RAB33B: variants seen among roughly 807,000 people sequenced by gnomAD.
RAB33B encodes the protein ras-related protein Rab-33B.
Under a neutral mutation model 15.0 loss-of-function variants are expected in RAB33B, and 6 were observed. The observed-to-expected ratio is 0.40, with a 90% CI of 0.22 to 0.79. The LOEUF is 0.79. RAB33B is among the 30% of genes least tolerant of loss of function. The pLI, the probability that RAB33B is intolerant of heterozygous loss-of-function variation, is 0.37. For synonymous variants in RAB33B, 117 were observed against 108.3 expected, an observed-to-expected ratio of 1.08 and a Z score of -0.50; for missense variants, 257 against 296.4, an observed-to-expected ratio of 0.87 and a Z score of 0.98.
intron 1 of RAB33B, among the ~76,000 whole-genome samples, chr4:139,459,538 T>C (rs563537342): frequency 3.3e-5 from 5 of 152,320 alleles, no homozygotes; most frequent in African/African-American, 7.2e-5. Context: ...TCTCATTGCA[T>C]ACATACCTGT....
At chr4:139,453,320 G>A (rs1024248074), upstream of RAB33B, 1 of 152,278 alleles carries the variant, frequency 6.6e-6, no homozygotes, top group Non-Finnish European at 1.5e-5. Flanking sequence ...CTAGCGAAAT[G>A]CGCTGTACCT....
At chr4:139,450,331 G>A (rs1205469127), upstream of RAB33B, 1 of 152,234 alleles carries the variant, frequency 6.6e-6, no homozygotes, top group Non-Finnish European at 1.5e-5. Context: ...TAGTAATTTG[G>A]TGGAGGCCAG....
At position 139,472,813 on chromosome 4, in the gene RAB33B, C is replaced by T; in HGVS notation, c.377C>T (p.Pro126Leu). 2 of 1,614,104 alleles carry T rather than the reference C, an allele frequency of 1.2e-6. No homozygotes were observed. The highest frequency in any genetic ancestry group is 2.2e-5 in the East Asian group (1 of 44,890). The change falls in exon 2 of 2, where the codon CCA (proline) becomes CTA (leucine). Residue 126 changes from proline (P) to leucine (L), a missense_variant. Transcript: ENST00000305626. ...AACATGGCTAGTTTTCATAGCCTACCATCTTGGATAGAAGAATGCAAACAA... is the reference window on the plus strand; with the variant it reads ...AACATGGCTAGTTTTCATAGCCTACTATCTTGGATAGAAGAATGCAAACAA... ...MTNMASFHSL[P>L]SWIEECKQHL...
chr4:139,445,409 T>C, the RAB33B span, among the ~76,000 whole-genome samples: 2 of 152,220 alleles, frequency 1.3e-5, no homozygotes, highest in Admixed American at 1.3e-4. Context: ...GAGCAAGAAG[T>C]AGCAAATACA....
At chr4:139,464,106 C>G (rs941068200) in intron 1 of RAB33B, among the ~76,000 whole-genome samples, 4 of 152,210 alleles carry the variant, frequency 2.6e-5, no homozygotes, top group South Asian at 2.1e-4. Context: ...GACCACCCCC[C>G]CACTGTCTCT....
chr4:139,454,026 G>T (rs1006909234), upstream of RAB33B: 89 of 733,556 alleles, frequency 1.2e-4, 1 homozygote, highest in East Asian at 2.7e-3. Flanking sequence ...ACCTGTGCGG[G>T]CAAGGGCGGG....
At chr4:139,469,576 A>G (rs1477087808) in intron 1 of RAB33B, among the ~76,000 whole-genome samples, 1 of 152,096 alleles carries the variant, frequency 6.6e-6, no homozygotes, top group African/African-American at 2.4e-5. Flanking sequence ...CTGTGTATGG[A>G]CATTGAAGGA....
At chr4:139,442,859 T>G in the RAB33B span, among the ~76,000 whole-genome samples, 1 of 152,136 alleles carries the variant, frequency 6.6e-6, no homozygotes, top group African/African-American at 2.4e-5. Flanking sequence ...CCAGGAGTGA[T>G]TCTACAGGAA....
At chr4:139,469,470 A>G (rs1750351890) in intron 1 of RAB33B, among the ~76,000 whole-genome samples, 1 of 152,146 alleles carries the variant, frequency 6.6e-6, no homozygotes, top group Non-Finnish European at 1.5e-5. Flanking sequence ...GAAAGGTCAC[A>G]TATGTGTTTC....
chr4:139,466,488 C>T (rs1453132515), intron 1 of RAB33B, among the ~76,000 whole-genome samples: 4 of 152,030 alleles, frequency 2.6e-5, no homozygotes, highest in Non-Finnish European at 5.9e-5. Context: ...GCTCTAGTTC[C>T]CTTGGATAGC....
intron 1 of RAB33B, among the ~76,000 whole-genome samples, chr4:139,457,192 A>G (rs1040227676): frequency 6.6e-6 from 1 of 152,254 alleles, no homozygotes; most frequent in Non-Finnish European, 1.5e-5. Context: ...AAGAAAGCCT[A>G]TATCTGCTAA....
At chr4:139,454,832 C>T (rs114812457) in intron 1 of RAB33B, among the ~76,000 whole-genome samples, 215 of 152,166 alleles carry the variant, frequency 1.4e-3, no homozygotes, top group African/African-American at 5.0e-3. Context: ...AGTGAAATTG[C>T]GCGAGAATGG....
rs1021325628 is a variant in RAB33B, at chr4:139,475,956, T to C, written c.*2830T>C. 9.2e-5 allele frequency: 14 copies of C among 152,258 alleles called. No homozygotes were observed. Among genetic ancestry groups the C allele is most frequent in the African/African-American group, 3.1e-4 (13 of 41,558 alleles). 9.4% of individuals were successfully genotyped at this position (152,258 alleles called of 1,614,324 possible). A position where few individuals can be genotyped will look rare whatever the true frequency, so the allele number is the denominator to read the frequency against. On this transcript the variant is annotated 3_prime_UTR_variant, in exon 2 of 2. Transcript: ENST00000305626. ...CTTTGTTTGGTTACTGGGTAGAGTA[T>C]AAAATAAAACAATCTTTTTTTCCTC...
At chr4:139,451,885 G>T (rs1749931803), upstream of RAB33B, 1 of 152,180 alleles carries the variant, frequency 6.6e-6, no homozygotes, top group Non-Finnish European at 1.5e-5. Context: ...TGACTCCAAG[G>T]ACAAAATGAA....
intron 1 of RAB33B, among the ~76,000 whole-genome samples, chr4:139,465,722 C>CTTCT (rs1750270974): frequency 7.5e-6 from 1 of 133,238 alleles, no homozygotes; most frequent in Non-Finnish European, 1.6e-5. Flanking sequence ...TCTTCTTCTT[C>CTTCT]TTTTTTTTTT....
At chr4:139,471,079 C>T (rs1750379660) in intron 1 of RAB33B, among the ~76,000 whole-genome samples, 1 of 152,080 alleles carries the variant, frequency 6.6e-6, no homozygotes, top group Non-Finnish European at 1.5e-5. Flanking sequence ...CTGTCTGCCC[C>T]AGCGCACTGT....
chr4:139,472,759 AT>A lies in RAB33B; in HGVS notation c.324del (p.His108GlnfsTer9). 6.2e-7 allele frequency: 1 copy of A among 1,613,960 alleles called. No homozygotes were observed. Among genetic ancestry groups the A allele is most frequent in the South Asian group, 1.1e-5 (1 of 91,078 alleles). ...GTTCAGCACTACTACAGAAATGTAC[AT>A]GCTGTTGTCTTCGTGTATGATATGA... is the stretch of plus-strand genomic sequence containing the variant. ...SMVQHYYRNV[H>X]AVVFVYDMTN... On this transcript the variant is annotated frameshift_variant, in exon 2 of 2. Transcript: ENST00000305626. LOFTEE classifies it high-confidence loss of function.
chr4:139,455,015 A>C (rs1750037365), intron 1 of RAB33B, among the ~76,000 whole-genome samples: 1 of 152,224 alleles, frequency 6.6e-6, no homozygotes, highest in South Asian at 2.1e-4. Flanking sequence ...TTTCCTGCAG[A>C]AACATTCTAT....
chr4:139,470,929 T>C (rs776840360), intron 1 of RAB33B, among the ~76,000 whole-genome samples: 1 of 152,094 alleles, frequency 6.6e-6, no homozygotes, highest in African/African-American at 2.4e-5. Context: ...TCCTCCCCAC[T>C]CTTCCCTCTC....
Sources: gnomAD v4.1 joint callset for allele counts (sites outside exome capture counted in the v4.1 genomes callset) on GRCh38, gnomAD v4.1.1 for gene constraint, MANE v1.5 for transcripts, NCBI Gene and HGNC (gene_info 2026-07-23, HGNC 2026-07-21) for gene names.